CBARP: variants seen among roughly 807,000 people sequenced by gnomAD.
The protein encoded by CBARP is voltage-dependent calcium channel beta subunit-associated regulatory protein.
In CBARP, 24 loss-of-function variants were observed where a neutral mutation model predicts 36.3. That is an observed-to-expected ratio of 0.66 (90% CI 0.48 to 0.93). The LOEUF (loss-of-function observed/expected upper bound fraction) is 0.93, where lower values mean the gene tolerates loss of function less well. Ranked by LOEUF, CBARP falls within the 40% of genes least tolerant of loss-of-function variation. CBARP has a pLI of 0.00. For synonymous variants in CBARP, 586 were observed against 453.2 expected (o/e 1.29, Z -3.72); for missense variants, 1,146 against 980.4 (o/e 1.17, Z -2.26).
chr19:1,237,482 ATGGCGAGCC>A, intron 1 of CBARP, among the ~76,000 whole-genome samples: 1 of 151,670 alleles, frequency 6.6e-6, no homozygotes, highest in South Asian at 2.1e-4. Context: ...AAGGGTGGGG[ATGGCGAGCC>A]AGGGGAGGCA....
chr19:1,237,355 G>C (rs2080989694), intron 1 of CBARP, among the ~76,000 whole-genome samples: 1 of 148,490 alleles, frequency 6.7e-6, no homozygotes, highest in Non-Finnish European at 1.5e-5. Context: ...GATGGTGACC[G>C]GAGGCCGGGG....
chr19:1,230,070 CCCCGCGCTG>C lies in CBARP; in HGVS notation c.1218_1226del (p.Ser407_Gly409del). The C allele has an allele frequency of 9.7e-6, 11 of 1,135,728 alleles. No homozygotes were observed. Among genetic ancestry groups the C allele is most frequent in the Non-Finnish European group, 1.1e-5 (10 of 916,040 alleles). 70.4% of individuals were successfully genotyped at this position (1,135,728 alleles called of 1,614,324 possible). On this transcript the variant is annotated inframe_deletion, in exon 10 of 10. Transcript: ENST00000650044. ...CCAGTGGCGGCTGCTGCTGCTCAGG[CCCCGCGCTG>C]CCCGCGCCGCGCTCCGGGGGGGAAT...
At chr19:1,234,058 A>C in intron 7 of CBARP, 133 bp downstream of exon 7, 1 of 1,106,586 alleles carries the variant, frequency 9.0e-7, no homozygotes, top group South Asian at 2.2e-5. Context: ...TCCCGTGTGC[A>C]ATGACCCGGC....
At chr19:1,237,264 C>G (rs2080988105) in intron 1 of CBARP, among the ~76,000 whole-genome samples, 1 of 152,154 alleles carries the variant, frequency 6.6e-6, no homozygotes, top group South Asian at 2.1e-4. Context: ...ACAGGCTGCC[C>G]GGGCCCTGGT....
Position 1,229,779 on chromosome 19 carries a change from G to T in CBARP, c.1518C>A (p.Ala506=). The part of the protein sequence containing the change: ...RRLLQMDSGY[A]SIEGRGAGDD... ...CGCCTGCGCCGCGGCCCTCGATGCT[G>T]GCGTAGCCACTGTCCATCTGCAGCA... The change falls in exon 10 of 10, where the codon GCC becomes GCA. Residue 506 remains alanine (A), a synonymous_variant. Coordinates refer to ENST00000650044, the MANE Select transcript of CBARP (RefSeq NM_001393918.1). The surrounding 1 kb of genome is among the most constrained non-coding windows in gnomAD (Gnocchi z 5.1). 1 of 1,019,296 alleles carries T rather than the reference G, an allele frequency of 9.8e-7. No homozygotes were observed. The highest frequency in any genetic ancestry group is 1.2e-6 in the Non-Finnish European group (1 of 844,796). The allele number at this position is 1,019,296 out of a possible 1,614,324, so 63.1% of individuals were successfully genotyped here. A position where few individuals can be genotyped will look rare whatever the true frequency, so the allele number is the denominator to read the frequency against.
chr19:1,231,376 C>T lies in CBARP; in HGVS notation c.980-101G>A, dbSNP rs1389401495. ...CCCCCCCGCCACACACACACAATGC[C>T]TGTGCCCCCCCGCCACACACAACGC... On this transcript the variant is annotated intron_variant, in intron 8 of 9. Coordinates refer to ENST00000650044, the MANE Select transcript of CBARP (RefSeq NM_001393918.1). 19 of 1,369,604 alleles carry T rather than the reference C, an allele frequency of 1.4e-5. No homozygotes were observed. The South Asian group carries it at 1.4e-4, about 10-fold the overall frequency. The allele number at this position is 1,369,604 out of a possible 1,614,324, so 84.8% of individuals were successfully genotyped here.
chr19:1,232,693 C>T (rs2080909767), intron 8 of CBARP, among the ~76,000 whole-genome samples: 1 of 152,272 alleles, frequency 6.6e-6, no homozygotes, highest in African/African-American at 2.4e-5. Context: ...CTATGTGCTA[C>T]AGCCCAGAGG....
At chr19:1,231,368 C>T in intron 8 of CBARP, 93 bp from the exon 9 acceptor site, 1 of 1,378,208 alleles carries the variant, frequency 7.3e-7, no homozygotes, top group Non-Finnish European at 9.7e-7. Context: ...GCCACACACA[C>T]ACAATGCCTG....
Position 1,233,511 on chromosome 19 carries a change from G to C in CBARP, c.894C>G (p.Ala298=), listed in dbSNP as rs368965453. 1 of 1,607,284 alleles carries C rather than the reference G, an allele frequency of 6.2e-7. No homozygotes were observed. The highest frequency in any genetic ancestry group is 1.3e-5 in the African/African-American group (1 of 74,898). The change falls in exon 8 of 10, where the codon GCC becomes GCG. Residue 298 remains alanine (A), a synonymous_variant. Coordinates refer to ENST00000650044, the MANE Select transcript of CBARP (RefSeq NM_001393918.1). ...AATAGGGGCTGGCCCCATCCAGGCT[G>C]GCATGGCGGCGCAGGCGGGTGAGGA... ...LQFLTRLRRH[A]SLDGASPYFK...
rs1255491288 is a variant in CBARP at position 1,233,941 on chromosome 19, G to A, written c.768+250C>T. ...GCAGGTGAGGGAGGGCAGGGGTGGC[G>A]CACCCTCTCCAGAACCTAGGGAATG... is the stretch of plus-strand genomic sequence containing the variant. On this transcript the variant is annotated intron_variant, in intron 7 of 9. Transcript: ENST00000650044. Among the ~76,000 whole-genome samples the A allele has an allele frequency of 3.7e-4, 57 of 152,300 alleles. 1 individual carries two copies. Among genetic ancestry groups the A allele is most frequent in the Admixed American group, 3.7e-3 (56 of 15,306 alleles).
At chr19:1,230,805 G>C in intron 9 of CBARP, 6 of 1,456,812 alleles carry the variant, frequency 4.1e-6, no homozygotes, top group Non-Finnish European at 5.4e-6. Flanking sequence ...GACCACAGCA[G>C]AACCCTTCAG....
At chr19:1,236,297 C>T (rs905955935) in intron 1 of CBARP, among the ~76,000 whole-genome samples, 176 bp from the exon 2 acceptor site, 1 of 152,208 alleles carries the variant, frequency 6.6e-6, no homozygotes, top group Non-Finnish European at 1.5e-5. Flanking sequence ...CAGCGGGCCC[C>T]GGGGGCTCTC....
chr19:1,236,023 C>A lies in CBARP; in HGVS notation c.78G>T (p.Ser26=). 1.3e-6 allele frequency: 2 copies of A among 1,543,812 alleles called. No individual in the cohort carries two copies. The highest frequency in any genetic ancestry group is 1.7e-6 in the Non-Finnish European group (2 of 1,144,590). Residue 26 remains serine, a synonymous_variant, in exon 2 of 10, where the codon TCG becomes TCT. Coordinates refer to ENST00000650044, the MANE Select transcript of CBARP (RefSeq NM_001393918.1). ...TTTATVALTT[S]WDNATGRPTA... is the part of the protein sequence containing the mutation. ...TGGGGCGTCCAGTGGCATTGTCCCACGACGTCGTCAGGGCTACTGTGGCAG... is the reference window on the plus strand; with the variant it reads ...TGGGGCGTCCAGTGGCATTGTCCCAAGACGTCGTCAGGGCTACTGTGGCAG...
intron 9 of CBARP, chr19:1,230,880 C>T (rs761033508): frequency 1.3e-6 from 2 of 1,510,514 alleles, no homozygotes; most frequent in African/African-American, 2.8e-5. Flanking sequence ...CCTCCCCACC[C>T]ACCGCCCTAC....
chr19:1,235,768 G>A lies in CBARP; in HGVS notation c.245+11C>T. 1 of 1,606,630 alleles carries A rather than the reference G, an allele frequency of 6.2e-7. No homozygotes were observed. Among genetic ancestry groups the A allele is most frequent in the Non-Finnish European group, 8.5e-7 (1 of 1,179,794 alleles). On this transcript the variant is annotated intron_variant, in intron 3 of 9. Transcript: ENST00000650044. ...CCATGCACCTGCCCAGCCGAGGTGGGGGCCTCGCACCTGTTGAGGCGCTGG... is the reference window on the plus strand; with the variant it reads ...CCATGCACCTGCCCAGCCGAGGTGGAGGCCTCGCACCTGTTGAGGCGCTGG...
chr19:1,230,622 C>T (rs1020496420), intron 9 of CBARP: 8 of 1,233,076 alleles, frequency 6.5e-6, no homozygotes, highest in South Asian at 3.2e-5. Flanking sequence ...GAACCCTGCT[C>T]TGCCCCAGCC....
rs2080962408 is a variant in CBARP, at chr19:1,235,839, A to G, written c.185T>C (p.Val62Ala). Reference protein sequence around the residue: ...MSLFVGGTLVVLSGVLLLCKR... With the variant: ...MSLFVGGTLVALSGVLLLCKR... ...GCAGAGGAGCAGGACGCCAGACAACACCACCAGCGTGCCCCCCACGAACAG... is the reference window on the plus strand; with the variant it reads ...GCAGAGGAGCAGGACGCCAGACAACGCCACCAGCGTGCCCCCCACGAACAG... Residue 62 changes from valine (V) to alanine (A), a missense_variant, in exon 3 of 10, where the codon GTG (valine) becomes GCG (alanine). Coordinates refer to ENST00000650044, the MANE Select transcript of CBARP (RefSeq NM_001393918.1). The G allele has an allele frequency of 3.1e-6, 5 of 1,611,302 alleles. No homozygotes were observed. Among genetic ancestry groups the G allele is most frequent in the Non-Finnish European group, 3.4e-6 (4 of 1,179,898 alleles).
At chr19:1,232,227 C>G (rs2080903711) in intron 8 of CBARP, among the ~76,000 whole-genome samples, 1 of 152,138 alleles carries the variant, frequency 6.6e-6, no homozygotes, top group Non-Finnish European at 1.5e-5. Context: ...GGGCCCCATT[C>G]ATTTCAAGAT....
Position 1,235,150 on chromosome 19 carries a change from G to A in CBARP, c.311-5C>T, listed in dbSNP as rs747247123. On this transcript the variant is annotated splice_polypyrimidine_tract_variant and splice_region_variant and intron_variant, in intron 4 of 9. Transcript: ENST00000650044. Reference sequence around the variant, plus strand: ...CCTCTCCCCGGAAGTCGGGGTCTGCGTGGAGAGGCAGGAGAGGGTGGGCCC... The same window carrying A: ...CCTCTCCCCGGAAGTCGGGGTCTGCATGGAGAGGCAGGAGAGGGTGGGCCC... 4.9e-5 allele frequency: 77 copies of A among 1,568,388 alleles called. No individual in the cohort carries two copies. The highest frequency in any genetic ancestry group is 6.4e-5 in the Non-Finnish European group (74 of 1,156,760).
Sources: allele counts gnomAD v4.1 joint callset (sites outside exome capture counted in the v4.1 genomes callset), GRCh38; gene constraint gnomAD v4.1.1; non-coding constraint Gnocchi (gnomAD v3.1); transcripts MANE v1.5; gene names NCBI Gene and HGNC (gene_info 2026-07-23, HGNC 2026-07-21).